SLC67A1: variants seen among roughly 807,000 people sequenced by gnomAD.
SLC67A1 encodes solute carrier family 67 member A1.
chr11:2,924,117 T>C, the SLC67A1 span, among the ~76,000 whole-genome samples: 2 of 152,222 alleles, frequency 1.3e-5, no homozygotes, highest in African/African-American at 4.8e-5. This position sits in a 1 kb window ranked among gnomAD's most constrained non-coding sequence, Gnocchi z 8.6. Flanking sequence ...CTGCCCCCCT[T>C]GTTGCCCGAG....
chr11:2,900,460 A>AG, the SLC67A1 span, among the ~76,000 whole-genome samples: 43 of 151,862 alleles, frequency 2.8e-4, no homozygotes, highest in East Asian at 4.3e-3. Flanking sequence ...TGGGAGGCCG[A>AG]GGGGGGGCGG....
At chr11:2,918,569 G>T in the SLC67A1 span, among the ~76,000 whole-genome samples, 4 of 152,226 alleles carry the variant, frequency 2.6e-5, no homozygotes, top group Non-Finnish European at 5.9e-5. Flanking sequence ...TCCTCTAACT[G>T]AGAAGCCAGG....
chr11:2,899,721 G>T, the SLC67A1 span: 1 of 1,448,188 alleles, frequency 6.9e-7, no homozygotes, highest in South Asian at 1.4e-5. Flanking sequence ...GCCTGTTCAT[G>T]ACAAAAAAAA....
the SLC67A1 span, among the ~76,000 whole-genome samples, chr11:2,915,492 T>G: frequency 4.6e-5 from 7 of 152,144 alleles, no homozygotes. Context: ...GGGCAGAACT[T>G]GTGCTGCGTG....
the SLC67A1 span, chr11:2,919,470 G>A: frequency 1.7e-6 from 2 of 1,211,480 alleles, no homozygotes; most frequent in Non-Finnish European, 2.4e-6. Flanking sequence ...GCAGGCCTCT[G>A]AGAGTAGAGG....
At chr11:2,916,736 G>A in the SLC67A1 span, 2 of 1,612,332 alleles carry the variant, frequency 1.2e-6, no homozygotes, top group Non-Finnish European at 1.7e-6. Flanking sequence ...AGGCTCCACT[G>A]CCAGGTAAGC....
At chr11:2,902,807 C>G in the SLC67A1 span, 14 of 919,242 alleles carry the variant, frequency 1.5e-5, no homozygotes, top group Non-Finnish European at 1.8e-5. Flanking sequence ...GCTCTGGCTG[C>G]TGGCCACAGG....
chr11:2,913,006 G>A, the SLC67A1 span, among the ~76,000 whole-genome samples: 1 of 152,142 alleles, frequency 6.6e-6, no homozygotes, highest in South Asian at 2.1e-4. Flanking sequence ...GGGATGGGAG[G>A]GGAGGTGAGC....
At chr11:2,908,508 G>A in the SLC67A1 span, among the ~76,000 whole-genome samples, 12 of 152,328 alleles carry the variant, frequency 7.9e-5, no homozygotes, top group East Asian at 9.7e-4. Flanking sequence ...GTAGGCTCCC[G>A]GGTGTCCCAC....
the SLC67A1 span, among the ~76,000 whole-genome samples, chr11:2,906,924 C>A: frequency 1.3e-5 from 2 of 150,180 alleles, no homozygotes; most frequent in Non-Finnish European, 3.0e-5. Context: ...CTCACACTAG[C>A]GGCGCTGGGG....
At chr11:2,916,844 C>A in the SLC67A1 span, 1 of 925,144 alleles carries the variant, frequency 1.1e-6, no homozygotes, top group African/African-American at 1.6e-5. Context: ...GAGGGGAAAT[C>A]TGGGGGCTAC....
At chr11:2,902,492 TC>T in the SLC67A1 span, 350 of 737,832 alleles carry the variant, frequency 4.7e-4, no homozygotes, top group Admixed American at 2.4e-3. Context: ...CCCCCCAGCC[TC>T]CCTGCATCCC....
the SLC67A1 span, chr11:2,925,193 G>A: frequency 1.2e-4 from 193 of 1,612,578 alleles, no homozygotes; most frequent in Middle Eastern, 5.0e-4. The surrounding 1 kb of genome is among the most constrained non-coding windows in gnomAD (Gnocchi z 6.5). Context: ...GACAAAGTCC[G>A]GTGACCGCTG....
the SLC67A1 span, among the ~76,000 whole-genome samples, chr11:2,902,890 G>A: frequency 6.6e-6 from 1 of 152,226 alleles, no homozygotes; most frequent in Non-Finnish European, 1.5e-5. Flanking sequence ...AGGGCCTCCA[G>A]GCACAGGGAC....
the SLC67A1 span, among the ~76,000 whole-genome samples, chr11:2,911,736 G>A: frequency 2.0e-3 from 301 of 152,256 alleles, 1 homozygote; most frequent in Middle Eastern, 3.4e-3. Flanking sequence ...GCAGTAAGCC[G>A]TGGCCATGGT....
At chr11:2,916,257 G>A in the SLC67A1 span, 2 of 225,616 alleles carry the variant, frequency 8.9e-6, no homozygotes, top group Admixed American at 5.8e-5. Context: ...ATGCACACCA[G>A]GCTTGCCCTT....
At chr11:2,900,688 G>A in the SLC67A1 span, among the ~76,000 whole-genome samples, 7 of 47,750 alleles carry the variant, frequency 1.5e-4, no homozygotes, top group South Asian at 1.0e-3. Context: ...GCAAGACTCC[G>A]TCTCAAAAAA....
chr11:2,915,370 G>A, the SLC67A1 span: 4 of 458,340 alleles, frequency 8.7e-6, no homozygotes, highest in Admixed American at 6.4e-5. Context: ...ATGGTGGCCT[G>A]TGGCTGGCCT....
chr11:2,903,357 T>TCGGGCTCCCAGGGACCAGGGC, the SLC67A1 span: 1 of 1,612,768 alleles, frequency 6.2e-7, no homozygotes, highest in Non-Finnish European at 8.5e-7. Context: ...TGCAGGGAGC[T>TCGGGCTCCCAGGGACCAGGGC]CGGGCTCCCA....
Sources: gnomAD v4.1 joint callset for allele counts (sites outside exome capture counted in the v4.1 genomes callset) on GRCh38, gnomAD v4.1.1 for gene constraint, Gnocchi (gnomAD v3.1) non-coding constraint, MANE v1.5 for transcripts, NCBI Gene and HGNC (gene_info 2026-07-23, HGNC 2026-07-21) for gene names.